The following IQCM variants were observed in gnomAD, a reference collection of about 807,000 sequenced individuals.
The protein encoded by IQCM is IQ motif containing M, also known as IQ domain-containing protein M.
In IQCM, 45 loss-of-function variants were observed where a neutral mutation model predicts 57.6. The observed-to-expected ratio is 0.78, with a 90% CI of 0.62 to 1.00. IQCM has a LOEUF of 1.00. Among genes scored for constraint, IQCM ranks in the 50% least tolerant of loss-of-function variants. IQCM has a pLI of 0.00. For missense variants in IQCM, 468 were observed against 511.6 expected (o/e 0.91, Z 0.82); for synonymous variants, 148 against 158.9 (o/e 0.93, Z 0.51).
chr4:149,747,201 C>A (rs1768007305), intron 2 of IQCM, among the ~76,000 whole-genome samples: 1 of 152,084 alleles, frequency 6.6e-6, no homozygotes, highest in South Asian at 2.1e-4. Flanking sequence ...TAAAGAAAAC[C>A]AAACAGAACA....
chr4:149,656,619 C>G (rs776679416), intron 7 of IQCM, among the ~76,000 whole-genome samples: 2 of 152,058 alleles, frequency 1.3e-5, no homozygotes, highest in Non-Finnish European at 2.9e-5. Context: ...TACCTCCTTC[C>G]TTTCCTTACT....
chr4:149,419,694 G>A (rs919368242), intron 13 of IQCM, among the ~76,000 whole-genome samples: 1 of 152,054 alleles, frequency 6.6e-6, no homozygotes, highest in Admixed American at 6.6e-5. Flanking sequence ...TATCATCAGG[G>A]TGAACAGGCA....
In IQCM at chr4:149,582,307, CATATATATATATATATAT is replaced by C. The variant is rs70965193; in HGVS notation, c.749+5605_749+5622del. 5.8e-3 allele frequency among the ~76,000 whole-genome samples: 508 copies of C among 87,984 alleles called. 8 individuals are homozygous for C. The highest frequency in any genetic ancestry group is 0.013 in the African/African-American group (259 of 19,386). The allele number at this position is 87,984 out of a possible 152,430, so 57.7% of individuals were successfully genotyped here. ...GTCAATCCAATGAAGATGCTGTAGA[CATATATATATATATATAT>C]ATATATATATATATATATATATATA... is the stretch of plus-strand genomic sequence containing the variant. On this transcript the variant is annotated intron_variant, in intron 9 of 13. Transcript: ENST00000636793.
chr4:149,373,565 A>G lies in IQCM; in HGVS notation c.1391-21499T>C, dbSNP rs181883778. Among the ~76,000 whole-genome samples, 419 of 152,284 alleles carry G rather than the reference A, an allele frequency of 2.8e-3. 1 individual carries two copies. The highest frequency in any genetic ancestry group is 6.8e-3 in the Middle Eastern group (2 of 294). ...TTTGAATCTAGCTAGTCAACAGACT[A>G]TAATTTTGTCTATTAAGTGAATATA... On this transcript the variant is annotated intron_variant, in intron 13 of 13. Transcript: ENST00000636793.
chr4:149,461,545 T>C (rs924250467), intron 12 of IQCM, among the ~76,000 whole-genome samples: 8 of 151,582 alleles, frequency 5.3e-5, no homozygotes, highest in Non-Finnish European at 1.0e-4. Context: ...TCCTAGCTAC[T>C]TGGGTGGCTA....
chr4:149,682,038 G>A, intron 7 of IQCM, 80 bp downstream of exon 7: 1 of 483,036 alleles, frequency 2.1e-6, no homozygotes, highest in Non-Finnish European at 3.3e-6. Context: ...TTCAATACTA[G>A]CTCTTTGTTT....
intron 12 of IQCM, among the ~76,000 whole-genome samples, chr4:149,496,785 C>G (rs1374237066): frequency 6.6e-6 from 1 of 152,162 alleles, no homozygotes; most frequent in Admixed American, 6.5e-5. Flanking sequence ...TGTAAGCTCA[C>G]TAATTTGCTC....
At chr4:149,623,718 GGTGTGT>G (rs3057342) in intron 7 of IQCM, among the ~76,000 whole-genome samples, 20 of 146,060 alleles carry the variant, frequency 1.4e-4, no homozygotes, top group Admixed American at 4.1e-4. Context: ...CTGAATCCCA[GGTGTGT>G]GTGTGTGTGT....
intron 5 of IQCM, among the ~76,000 whole-genome samples, chr4:149,689,589 T>G (rs989019675): frequency 6.6e-6 from 1 of 151,792 alleles, no homozygotes; most frequent in African/African-American, 2.4e-5. Flanking sequence ...GGGACTTAAT[T>G]AACTAAAGAA....
At chr4:149,673,337 A>G (rs4298117) in intron 7 of IQCM, among the ~76,000 whole-genome samples, 31,906 of 151,502 alleles carry the variant, frequency 0.21, 4,122 homozygotes, top group Non-Finnish European at 0.28. Context: ...CAAATTGGAT[A>G]AAGAGTCAAG....
At chr4:149,498,311 T>C (rs1742881653) in intron 12 of IQCM, among the ~76,000 whole-genome samples, 1 of 152,152 alleles carries the variant, frequency 6.6e-6, no homozygotes, top group Non-Finnish European at 1.5e-5. Context: ...AGAACAGCTC[T>C]GTGACTCTTG....
intron 5 of IQCM, among the ~76,000 whole-genome samples, chr4:149,719,167 A>C (rs1181567637): frequency 1.3e-5 from 2 of 152,086 alleles, no homozygotes; most frequent in Non-Finnish European, 2.9e-5. Context: ...CAACACGGTG[A>C]AATCCCATCT....
chr4:149,661,879 T>C (rs1043164954), intron 7 of IQCM, among the ~76,000 whole-genome samples: 1 of 152,110 alleles, frequency 6.6e-6, no homozygotes, highest in Non-Finnish European at 1.5e-5. Flanking sequence ...ATTGGTTATG[T>C]TTCTTAAAAA....
chr4:149,740,596 T>C (rs1767367870), intron 3 of IQCM, among the ~76,000 whole-genome samples: 1 of 152,012 alleles, frequency 6.6e-6, no homozygotes, highest in African/African-American at 2.4e-5. Context: ...CCAAGAGAAA[T>C]AAGTGAATGG....
intron 13 of IQCM, among the ~76,000 whole-genome samples, chr4:149,355,873 G>A (rs1348016879): frequency 6.6e-6 from 1 of 152,110 alleles, no homozygotes; most frequent in Non-Finnish European, 1.5e-5. Flanking sequence ...GTGTAAAAGT[G>A]TTCTTATTTC....
intron 9 of IQCM, among the ~76,000 whole-genome samples, chr4:149,570,062 C>T (rs1425522216): frequency 1.3e-5 from 2 of 151,756 alleles, no homozygotes; most frequent in East Asian, 3.9e-4. Context: ...TAAAAATGTT[C>T]ATATATATAA....
At chr4:149,417,127 A>C (rs954340038) in intron 13 of IQCM, among the ~76,000 whole-genome samples, 1 of 152,216 alleles carries the variant, frequency 6.6e-6, no homozygotes, top group African/African-American at 2.4e-5. Flanking sequence ...AAATTATTTT[A>C]GACATACTTT....
intron 2 of IQCM, among the ~76,000 whole-genome samples, chr4:149,814,798 T>C (rs1268216909): frequency 6.6e-6 from 1 of 151,986 alleles, no homozygotes; most frequent in Non-Finnish European, 1.5e-5. Flanking sequence ...AAATGTATAA[T>C]ACTGATGGTT....
chr4:149,750,268 A>G (rs901327237), intron 2 of IQCM, among the ~76,000 whole-genome samples: 5 of 152,242 alleles, frequency 3.3e-5, no homozygotes, highest in African/African-American at 1.2e-4. Flanking sequence ...GTTTCAGAAA[A>G]GTTCACATTA....
Sources: allele counts gnomAD v4.1 joint callset (sites outside exome capture counted in the v4.1 genomes callset), GRCh38; gene constraint gnomAD v4.1.1; transcripts MANE v1.5; gene names NCBI Gene and HGNC (gene_info 2026-07-23, HGNC 2026-07-21).